KCNIP3: variants seen among roughly 807,000 people sequenced by gnomAD.
The protein encoded by KCNIP3 is calsenilin.
Under a neutral mutation model 35.0 loss-of-function variants are expected in KCNIP3, and 28 were observed. The ratio of observed to expected loss-of-function variants is 0.80; its 90% CI spans 0.59 to 1.10. The LOEUF (loss-of-function observed/expected upper bound fraction) is 1.10, where lower values mean the gene tolerates loss of function less well. Among genes scored for constraint, KCNIP3 ranks in the 50% least tolerant of loss-of-function variants. The pLI is 0.00. For missense variants in KCNIP3, 295 were observed against 338.4 expected (o/e 0.87, Z 1.01); for synonymous variants, 134 against 133.8 (o/e 1.00, Z -0.01).
chr2:95,322,505 T>G (rs1354157181), intron 2 of KCNIP3, among the ~76,000 whole-genome samples: 1 of 152,152 alleles, frequency 6.6e-6, no homozygotes, highest in Non-Finnish European at 1.5e-5. Flanking sequence ...CATCTCAGTC[T>G]CCTCATCCAT....
At chr2:95,357,180 A>C (rs1431375806) in intron 2 of KCNIP3, among the ~76,000 whole-genome samples, 4 of 152,196 alleles carry the variant, frequency 2.6e-5, no homozygotes, top group Non-Finnish European at 5.9e-5. Context: ...CAGACTTTCC[A>C]ATAAGTCTTA....
chr2:95,329,219 C>G (rs1052031891), intron 2 of KCNIP3, among the ~76,000 whole-genome samples: 81 of 318 alleles, frequency 0.25, no homozygotes, highest in African/African-American at 0.46. Flanking sequence ...TGGCTCCCAG[C>G]GCGGGCCAAG....
chr2:95,345,326 A>AG (rs1360203064), intron 2 of KCNIP3, among the ~76,000 whole-genome samples: 1 of 152,234 alleles, frequency 6.6e-6, no homozygotes, highest in Admixed American at 6.5e-5. Context: ...ATGGAGGAAG[A>AG]GGAAAGCCCA....
At chr2:95,374,456 A>G (rs752936055) in intron 3 of KCNIP3, 36 bp downstream of exon 3, 1 of 1,608,278 alleles carries the variant, frequency 6.2e-7, no homozygotes, top group Non-Finnish European at 8.5e-7. Context: ...GAGGCCTTGG[A>G]GACCCTGGCT....
chr2:95,369,846 ACTCCTGGGCTCAAT>A (rs1287180801), intron 2 of KCNIP3, among the ~76,000 whole-genome samples: 15 of 151,198 alleles, frequency 9.9e-5, no homozygotes, highest in Admixed American at 1.3e-4. Flanking sequence ...CTGGTCTCGA[ACTCCTGGGCTCAAT>A]CAATCCACCT....
At chr2:95,358,408 T>A (rs869185) in intron 2 of KCNIP3, among the ~76,000 whole-genome samples, 23,316 of 152,216 alleles carry the variant, frequency 0.15, 2,087 homozygotes, top group East Asian at 0.29. Context: ...AAGAAAGCCC[T>A]GCTTGTAGTC....
intron 2 of KCNIP3, among the ~76,000 whole-genome samples, chr2:95,358,047 C>T (rs571336903): frequency 5.9e-5 from 9 of 152,126 alleles, no homozygotes; most frequent in Admixed American, 2.0e-4. Flanking sequence ...GGATGGGAGC[C>T]GGGGAACATG....
rs371928973 is a variant in KCNIP3, at chr2:95,310,631, C to T, written c.181+111C>T. 8.5e-5 allele frequency: 99 copies of T among 1,166,058 alleles called. No homozygotes were observed. In the African/African-American group the frequency reaches 9.8e-4, roughly 12 times the overall value. 72.2% of individuals were successfully genotyped at this position (1,166,058 alleles called of 1,614,324 possible). On this transcript the variant is annotated intron_variant, in intron 2 of 8. Transcript: ENST00000295225. ...CCTGGGACCCCAGCCTGGGCTACAT[C>T]GCCCCTGTCTCTATTGGAGGTGTGT...
At chr2:95,362,566 A>G (rs1297677982) in intron 2 of KCNIP3, among the ~76,000 whole-genome samples, 3 of 152,192 alleles carry the variant, frequency 2.0e-5, no homozygotes, top group Non-Finnish European at 4.4e-5. Flanking sequence ...GTTCAATCCT[A>G]TGCACTAGTA....
chr2:95,313,940 CACACACACAT>C (rs935141046), intron 2 of KCNIP3: 7 of 152,224 alleles, frequency 4.6e-5, no homozygotes, highest in African/African-American at 1.2e-4. Flanking sequence ...CACATACACA[CACACACACAT>C]ACACACACAA....
In KCNIP3 at chr2:95,382,043, C is replaced by T. The variant is rs373577656; in HGVS notation, c.556-334C>T. Among the ~76,000 whole-genome samples the T allele has an allele frequency of 3.3e-5, 5 of 152,228 alleles. No individual in the cohort carries two copies. The highest frequency in any genetic ancestry group is 7.3e-5 in the Non-Finnish European group (5 of 68,036). ...CCCCCATCAAGTGAAGGGGGCAGTG[C>T]GGTCCCTTAAGGCATGGGTGGAGAG... On this transcript the variant is annotated intron_variant, in intron 6 of 8. Transcript: ENST00000295225. The surrounding 1 kb of genome is among the most constrained non-coding windows in gnomAD (Gnocchi z 4.5).
intron 2 of KCNIP3, among the ~76,000 whole-genome samples, chr2:95,346,099 A>C (rs1379111640): frequency 6.6e-6 from 1 of 152,180 alleles, no homozygotes; most frequent in African/African-American, 2.4e-5. Flanking sequence ...GCGTTTCCAG[A>C]ACGGGAGAAC....
intron 2 of KCNIP3, among the ~76,000 whole-genome samples, chr2:95,354,715 GT>G (rs568551427): frequency 2.0e-4 from 30 of 152,380 alleles, no homozygotes; most frequent in African/African-American, 7.2e-4. Context: ...CTTGGGGCCT[GT>G]TGGGTCTGCA....
Position 95,310,446 on chromosome 2 carries a change from G to T in KCNIP3, c.107G>T (p.Arg36Met). The T allele has an allele frequency of 6.2e-7, 1 of 1,614,046 alleles. No homozygotes were observed. The highest frequency in any genetic ancestry group is 1.3e-5 in the African/African-American group (1 of 75,042). ...KKEGIKWQRPRLSRQALMRCC... is the reference protein window; with the variant it reads ...KKEGIKWQRPMLSRQALMRCC... ...GAGGGTATCAAGTGGCAGAGGCCGA[G>T]GCTCAGCCGCCAGGCTTTGATGAGA... is the stretch of plus-strand genomic sequence containing the variant. Residue 36 changes from arginine (R) to methionine (M), a missense_variant, in exon 2 of 9, where the codon AGG becomes ATG. Transcript: ENST00000295225.
At chr2:95,338,881 A>G (rs1282414917) in intron 2 of KCNIP3, among the ~76,000 whole-genome samples, 1 of 152,180 alleles carries the variant, frequency 6.6e-6, no homozygotes, top group Non-Finnish European at 1.5e-5. Context: ...GGTATTCTTG[A>G]GTTTGAGGAA....
At chr2:95,346,032 T>A (rs1471485959) in intron 2 of KCNIP3, among the ~76,000 whole-genome samples, 1 of 152,246 alleles carries the variant, frequency 6.6e-6, no homozygotes, top group East Asian at 1.9e-4. Context: ...GACCAAGCTC[T>A]GTTCCGCAGA....
At chr2:95,325,845 A>AGG (rs1491139173) in intron 2 of KCNIP3, among the ~76,000 whole-genome samples, 52 of 60,028 alleles carry the variant, frequency 8.7e-4, no homozygotes, top group Non-Finnish European at 1.4e-3. Context: ...ACACACTCAT[A>AGG]CACACATACA....
chr2:95,327,765 T>C (rs1476136833), intron 2 of KCNIP3, among the ~76,000 whole-genome samples: 1 of 152,156 alleles, frequency 6.6e-6, no homozygotes, highest in African/African-American at 2.4e-5. Flanking sequence ...CATCTGTTTG[T>C]CCATCTATCC....
intron 2 of KCNIP3, among the ~76,000 whole-genome samples, chr2:95,337,105 C>T (rs1679079782): frequency 6.6e-6 from 1 of 152,186 alleles, no homozygotes; most frequent in South Asian, 2.1e-4. Flanking sequence ...ATGTTAGCTG[C>T]CTTAGCAGCC....
Sources: gnomAD v4.1 joint callset for allele counts (sites outside exome capture counted in the v4.1 genomes callset) on GRCh38, gnomAD v4.1.1 for gene constraint, Gnocchi (gnomAD v3.1) non-coding constraint, MANE v1.5 for transcripts, NCBI Gene and HGNC (gene_info 2026-07-23, HGNC 2026-07-21) for gene names.